Variants in KALRN observed in about 807,000 individuals in gnomAD.
KALRN encodes the protein kalirin.
KALRN carries 70 observed loss-of-function variants against 353.7 expected under a neutral mutation model. The ratio of observed to expected loss-of-function variants is 0.20; its 90% CI spans 0.16 to 0.24. The LOEUF (loss-of-function observed/expected upper bound fraction) is 0.24. KALRN is among the 10% of genes least tolerant of loss of function. The pLI is 1.00. For missense variants in KALRN, 2,791 were observed against 3,756.7 expected (o/e 0.74, Z 6.72); for synonymous variants, 1,391 against 1,434.8 (o/e 0.97, Z 0.69).
In KALRN at chr3:124,659,470, G is replaced by A. The variant is rs776071716; in HGVS notation, c.6216+13G>A. On this transcript the variant is annotated intron_variant, in intron 43 of 59. Coordinates refer to ENST00000682506, the MANE Select transcript of KALRN (RefSeq NM_001388419.1). ...GTTGCTCCTCAAGGTAAGAAGCTGG[G>A]AGCCTGGGTGAGGGCTGGAGAAGGA... is the stretch of plus-strand genomic sequence containing the variant. 114 of 1,555,236 alleles carry A rather than the reference G, an allele frequency of 7.3e-5. No individual in the cohort carries two copies. Among genetic ancestry groups the A allele is most frequent in the Middle Eastern group, 3.3e-4 (2 of 5,980 alleles).
At chr3:124,610,847 C>CAA (rs59462127) in intron 34 of KALRN, among the ~76,000 whole-genome samples, 3 of 150,620 alleles carry the variant, frequency 2.0e-5, no homozygotes, top group Non-Finnish European at 4.4e-5. Context: ...CCCGTCCCTA[C>CAA]AAAAAAAAGA....
intron 25 of KALRN, among the ~76,000 whole-genome samples, chr3:124,463,728 T>C (rs2060066910): frequency 6.6e-6 from 1 of 152,146 alleles, no homozygotes; most frequent in South Asian, 2.1e-4. Flanking sequence ...AAGAATTGGG[T>C]GTAAAATGAT....
In KALRN at chr3:124,451,971, A is replaced by G. The variant is rs76932626; in HGVS notation, c.3553-3206A>G. On this transcript the variant is annotated intron_variant, in intron 21 of 59. Coordinates refer to ENST00000682506, the MANE Select transcript of KALRN (RefSeq NM_001388419.1). Reference sequence around the variant, plus strand: ...TACAGTTTAAATCCTCAGGGAAACAACCCCAATTGACCCAGCTTATTTCTA... The same window carrying G: ...TACAGTTTAAATCCTCAGGGAAACAGCCCCAATTGACCCAGCTTATTTCTA... Among the ~76,000 whole-genome samples the G allele has an allele frequency of 6.1e-3, 933 of 152,282 alleles. 9 individuals carry two copies. The highest frequency in any genetic ancestry group is 0.02 in the African/African-American group (839 of 41,554).
intron 21 of KALRN, among the ~76,000 whole-genome samples, chr3:124,447,784 G>T (rs1279395421): frequency 3.3e-5 from 5 of 152,150 alleles, no homozygotes; most frequent in Admixed American, 1.3e-4. Flanking sequence ...TTCAGAAGTG[G>T]CTATCCACTC....
chr3:124,187,191 C>T (rs574732415), intron 1 of KALRN, among the ~76,000 whole-genome samples: 3 of 152,280 alleles, frequency 2.0e-5, no homozygotes, highest in African/African-American at 7.2e-5. Context: ...AGTGATTCTC[C>T]TGCTTCAGCC....
At position 124,694,476 on chromosome 3, in the gene KALRN, G is replaced by C; in HGVS notation, c.7550G>C (p.Ser2517Thr). The change falls in exon 53 of 60, where the codon AGC becomes ACC. Residue 2517 changes from serine to threonine, a missense_variant. Ser to Thr is a moderately conservative substitution (Grantham distance 58). Transcript: ENST00000682506. ...CAGAACATCCTTGACACTGATAACAGCTCAGCCACATACACGGTCTCCTCT... is the reference window on the plus strand; with the variant it reads ...CAGAACATCCTTGACACTGATAACACCTCAGCCACATACACGGTCTCCTCT... ...PDQNILDTDN[S>T]SATYTVSSCD... 1 of 1,614,044 alleles carries C rather than the reference G, an allele frequency of 6.2e-7. No individual in the cohort carries two copies. Among genetic ancestry groups the C allele is most frequent in the Non-Finnish European group, 8.5e-7 (1 of 1,180,012 alleles).
At chr3:124,181,541 G>A (rs565717055) in intron 1 of KALRN, among the ~76,000 whole-genome samples, 3 of 152,198 alleles carry the variant, frequency 2.0e-5, no homozygotes, top group South Asian at 2.1e-4. Context: ...AATTTACTAC[G>A]AAATGCATGG....
At chr3:124,617,780 G>C (rs1419734350) in intron 34 of KALRN, among the ~76,000 whole-genome samples, 1 of 152,126 alleles carries the variant, frequency 6.6e-6, no homozygotes, top group Non-Finnish European at 1.5e-5. Flanking sequence ...TTGCTGATCT[G>C]GGGACCACAG....
chr3:124,497,894 C>T (rs2064045659), intron 33 of KALRN, among the ~76,000 whole-genome samples: 1 of 152,176 alleles, frequency 6.6e-6, no homozygotes, highest in Admixed American at 6.5e-5. Context: ...GACACAGACC[C>T]CTATGCTAGA....
At chr3:124,648,744 A>C (rs544881900) in intron 37 of KALRN, among the ~76,000 whole-genome samples, 1 of 152,230 alleles carries the variant, frequency 6.6e-6, no homozygotes, top group Non-Finnish European at 1.5e-5. Flanking sequence ...GCATGTAATC[A>C]GATCAATCAC....
chr3:124,522,742 T>TA (rs897236639), intron 33 of KALRN, among the ~76,000 whole-genome samples: 2 of 152,200 alleles, frequency 1.3e-5, no homozygotes, highest in African/African-American at 4.8e-5. Context: ...TGAGAACCAC[T>TA]AAATTAAGCT....
chr3:124,178,459 C>T (rs56987954), intron 1 of KALRN, among the ~76,000 whole-genome samples: 5,278 of 152,254 alleles, frequency 0.035, 274 homozygotes, highest in African/African-American at 0.12. Context: ...AATGTACTTA[C>T]ACAAATCTAG....
At chr3:124,386,693 C>CTCG (rs2088382240) in intron 11 of KALRN, among the ~76,000 whole-genome samples, 1 of 152,150 alleles carries the variant, frequency 6.6e-6, no homozygotes, top group African/African-American at 2.4e-5. Flanking sequence ...CATTCTTCTT[C>CTCG]TCTTCTTCTT....
At chr3:124,338,754 T>C (rs1335574518) in intron 9 of KALRN, among the ~76,000 whole-genome samples, 1 of 152,122 alleles carries the variant, frequency 6.6e-6, no homozygotes, top group Non-Finnish European at 1.5e-5. Flanking sequence ...TCTCCCACTA[T>C]TATTGTGTGG....
intron 16 of KALRN, among the ~76,000 whole-genome samples, chr3:124,433,614 A>G (rs965230053): frequency 4.0e-4 from 57 of 143,478 alleles, no homozygotes; most frequent in Non-Finnish European, 6.0e-4. Context: ...AAAAAAAAAA[A>G]AAGGAAAGAA....
intron 1 of KALRN, among the ~76,000 whole-genome samples, chr3:124,072,864 A>G (rs2060083676): frequency 6.6e-6 from 1 of 152,236 alleles, no homozygotes. Context: ...AAGTTGAAGC[A>G]GAAGCTGGTG....
intron 16 of KALRN, among the ~76,000 whole-genome samples, chr3:124,431,358 A>C (rs2093268082): frequency 6.6e-6 from 1 of 152,244 alleles, no homozygotes; most frequent in South Asian, 2.1e-4. Flanking sequence ...TGCAACCAGA[A>C]GAAGCTTATC....
At chr3:124,467,974 G>T (rs1441549115) in intron 25 of KALRN, among the ~76,000 whole-genome samples, 1 of 151,962 alleles carries the variant, frequency 6.6e-6, no homozygotes, top group African/African-American at 2.4e-5. Flanking sequence ...AGGCAGGTAG[G>T]TAGGTAGGTA....
chr3:124,490,582 A>G lies in KALRN; in HGVS notation c.4397-112A>G. ...GTTAGCAGAGAGAAAAAAACCCTTC[A>G]GTAACTGAAGACTAACAATAAGAGA... On this transcript the variant is annotated intron_variant, in intron 29 of 59. Coordinates refer to ENST00000682506, the MANE Select transcript of KALRN (RefSeq NM_001388419.1). 2 of 925,200 alleles carry G rather than the reference A, an allele frequency of 2.2e-6. 1 individual carries two copies. Among genetic ancestry groups the G allele is most frequent in the Non-Finnish European group, 3.2e-6 (2 of 617,506 alleles). 57.3% of individuals were successfully genotyped at this position (925,200 alleles called of 1,614,324 possible).
Sources: allele counts gnomAD v4.1 joint callset (sites outside exome capture counted in the v4.1 genomes callset), GRCh38; gene constraint gnomAD v4.1.1; transcripts MANE v1.5; gene names NCBI Gene and HGNC (gene_info 2026-07-23, HGNC 2026-07-21).